Variants in CNKSR3 observed in about 807,000 individuals in gnomAD.
CNKSR3 encodes the protein connector enhancer of kinase suppressor of ras 3.
A neutral mutation model predicts 67.7 loss-of-function variants in CNKSR3; 36 were observed. The observed-to-expected ratio is 0.53, with a 90% confidence interval of 0.41 to 0.70. CNKSR3 has a LOEUF of 0.70. Among genes scored for constraint, CNKSR3 ranks in the 30% least tolerant of loss-of-function variants. The pLI is 0.00. For synonymous variants in CNKSR3, 281 were observed against 271.4 expected, an observed-to-expected ratio of 1.04 and a Z score of -0.35; for missense variants, 630 against 695.2, an observed-to-expected ratio of 0.91 and a Z score of 1.05.
intron 1 of CNKSR3, among the ~76,000 whole-genome samples, chr6:154,496,167 T>G (rs1786874110): frequency 6.6e-6 from 1 of 152,142 alleles, no homozygotes; most frequent in South Asian, 2.1e-4. Flanking sequence ...CACTAACAGC[T>G]AAGTACCCAC....
intron 9 of CNKSR3, among the ~76,000 whole-genome samples, chr6:154,420,683 C>T (rs1391420478): frequency 5.1e-5 from 4 of 78,064 alleles, no homozygotes; most frequent in South Asian, 9.5e-4. Flanking sequence ...AGCGAGACTC[C>T]GTCTCAAAAA....
At chr6:154,410,909 A>T (rs1784895920) in intron 11 of CNKSR3, 25 bp downstream of exon 11, 2 of 1,585,540 alleles carry the variant, frequency 1.3e-6, no homozygotes, top group African/African-American at 2.7e-5. Context: ...CCAACGGCAG[A>T]ACAAAACAAA....
chr6:154,433,128 A>G (rs1785403444), intron 5 of CNKSR3, among the ~76,000 whole-genome samples: 1 of 152,192 alleles, frequency 6.6e-6, no homozygotes, highest in African/African-American at 2.4e-5. Flanking sequence ...TTTTTTCTTA[A>G]ATCAAAATGG....
At chr6:154,454,104 C>CACAGAGAGAGAGAGAGAGAGAGAGAG in intron 1 of CNKSR3, among the ~76,000 whole-genome samples, 1 of 116,340 alleles carries the variant, frequency 8.6e-6, no homozygotes, top group African/African-American at 3.4e-5. Flanking sequence ...CACACACACA[C>CACAGAGAGAGAGAGAGAGAGAGAGAG]AGAGAGAGAG....
At chr6:154,507,006 C>A (rs977201897) in intron 1 of CNKSR3, among the ~76,000 whole-genome samples, 1 of 152,214 alleles carries the variant, frequency 6.6e-6, no homozygotes, top group Admixed American at 6.5e-5. Context: ...AAACCACCTG[C>A]TCTGCTGGGT....
At chr6:154,451,458 CT>C (rs1785824326) in intron 1 of CNKSR3, among the ~76,000 whole-genome samples, 1 of 151,644 alleles carries the variant, frequency 6.6e-6, no homozygotes, top group Non-Finnish European at 1.5e-5. Context: ...GCTGCTGCCC[CT>C]CCCCACCAAA....
Position 154,402,897 on chromosome 6 carries a change from T to C in CNKSR3, c.*3457A>G, listed in dbSNP as rs757939054. On this transcript the variant is annotated 3_prime_UTR_variant, in exon 13 of 13. Transcript: ENST00000607772. ...TGCCCTGCTTAGTAGTTTAATTACA[T>C]CTTGTAATATAACCATGCTAGAATA... 6 of 152,214 alleles carry C rather than the reference T, an allele frequency of 3.9e-5. No homozygotes were observed. Among genetic ancestry groups the C allele is most frequent in the African/African-American group, 7.2e-5 (3 of 41,460 alleles). The allele number at this position is 152,214 out of a possible 1,614,324, so 9.4% of individuals were successfully genotyped here.
At chr6:154,464,912 T>C (rs4870292) in intron 1 of CNKSR3, among the ~76,000 whole-genome samples, 79,398 of 150,802 alleles carry the variant, frequency 0.53, 22,921 homozygotes, top group African/African-American at 0.78. Context: ...GAAGCCAAGG[T>C]GGGTGGATCA....
chr6:154,495,759 G>A (rs765754553), intron 1 of CNKSR3, among the ~76,000 whole-genome samples: 7 of 151,920 alleles, frequency 4.6e-5, no homozygotes, highest in Non-Finnish European at 8.8e-5. Context: ...CCACTCCCAC[G>A]TGTATTCAGA....
At chr6:154,499,573 G>A (rs971350291) in intron 1 of CNKSR3, among the ~76,000 whole-genome samples, 2 of 152,140 alleles carry the variant, frequency 1.3e-5, no homozygotes. Flanking sequence ...TGAAAAGCTT[G>A]GTTTAAACAC....
chr6:154,487,844 C>T (rs1005725477), intron 1 of CNKSR3, among the ~76,000 whole-genome samples: 1 of 152,112 alleles, frequency 6.6e-6, no homozygotes, highest in Non-Finnish European at 1.5e-5. Flanking sequence ...AAATATTTAC[C>T]AAAGACCTTT....
chr6:154,474,680 C>T (rs752298070), intron 1 of CNKSR3, among the ~76,000 whole-genome samples: 15 of 151,962 alleles, frequency 9.9e-5, no homozygotes, highest in Admixed American at 2.6e-4. Flanking sequence ...CTGGCACAGC[C>T]GTAGACTATA....
At chr6:154,451,244 T>C (rs1396276359) in intron 1 of CNKSR3, among the ~76,000 whole-genome samples, 2 of 152,262 alleles carry the variant, frequency 1.3e-5, no homozygotes, top group Non-Finnish European at 2.9e-5. Context: ...AGAATTCTTA[T>C]TCCTGTACAG....
At chr6:154,492,775 A>C (rs1276292479) in intron 1 of CNKSR3, among the ~76,000 whole-genome samples, 2 of 151,782 alleles carry the variant, frequency 1.3e-5, no homozygotes, top group African/African-American at 4.8e-5. Flanking sequence ...ACAAAAAAAA[A>C]AACAACACAG....
At chr6:154,452,526 T>C (rs2185113) in intron 1 of CNKSR3, among the ~76,000 whole-genome samples, 101,603 of 152,018 alleles carry the variant, frequency 0.67, 34,259 homozygotes, top group East Asian at 0.9. Flanking sequence ...CTCTTCTCTC[T>C]TGGGACGCTG....
intron 1 of CNKSR3, among the ~76,000 whole-genome samples, chr6:154,508,203 G>T (rs1787141534): frequency 6.6e-6 from 1 of 152,170 alleles, no homozygotes; most frequent in African/African-American, 2.4e-5. Context: ...GGAGACATAT[G>T]TAAGAAGGTA....
intron 4 of CNKSR3, among the ~76,000 whole-genome samples, chr6:154,436,789 C>T (rs1467072622): frequency 6.6e-6 from 1 of 152,160 alleles, no homozygotes; most frequent in Non-Finnish European, 1.5e-5. Flanking sequence ...TCCCTTCCCA[C>T]CTTGGGGTCC....
intron 1 of CNKSR3, among the ~76,000 whole-genome samples, chr6:154,503,455 T>C (rs920677373): frequency 6.6e-6 from 1 of 151,866 alleles, no homozygotes; most frequent in Admixed American, 6.6e-5. Flanking sequence ...ACAAGACCCA[T>C]CTCTACAAAG....
chr6:154,443,980 T>A (rs899644227), intron 2 of CNKSR3, among the ~76,000 whole-genome samples: 1 of 152,310 alleles, frequency 6.6e-6, no homozygotes, highest in East Asian at 1.9e-4. Context: ...TGTCCTAGAC[T>A]CCTTTTCAGA....
Sources: allele counts gnomAD v4.1 joint callset (sites outside exome capture counted in the v4.1 genomes callset), GRCh38; gene constraint gnomAD v4.1.1; transcripts MANE v1.5; gene names NCBI Gene and HGNC (gene_info 2026-07-23, HGNC 2026-07-21).